Variants in GUCD1 observed in about 807,000 individuals in gnomAD.
The protein encoded by GUCD1 is protein GUCD1.
GUCD1 carries 17 observed loss-of-function variants against 28.3 expected under a neutral mutation model. That is an observed-to-expected ratio of 0.60 (90% CI 0.41 to 0.90). The LOEUF is 0.90. Ranked by LOEUF, GUCD1 falls within the 40% of genes least tolerant of loss-of-function variation. GUCD1 has a pLI of 0.00. For synonymous variants in GUCD1, 129 were observed against 123.3 expected, an observed-to-expected ratio of 1.05 and a Z score of -0.30; for missense variants, 279 against 305.5, an observed-to-expected ratio of 0.91 and a Z score of 0.65.
intron 4 of GUCD1, among the ~76,000 whole-genome samples, chr22:24,546,087 G>C (rs887799778): frequency 6.6e-6 from 1 of 151,870 alleles, no homozygotes; most frequent in African/African-American, 2.4e-5. Flanking sequence ...TCAGCCTCCC[G>C]AGTAGCTGGG....
upstream of GUCD1, chr22:24,555,559 T>A (rs2045037695): frequency 6.5e-7 from 1 of 1,534,936 alleles, no homozygotes; most frequent in Non-Finnish European, 8.8e-7. Flanking sequence ...GCCGCTCTAC[T>A]CTATACCTAA....
At chr22:24,552,204 A>G (rs4820595) in intron 1 of GUCD1, among the ~76,000 whole-genome samples, 111,192 of 152,090 alleles carry the variant, frequency 0.73, 42,410 homozygotes, top group East Asian at 0.85. Flanking sequence ...GCACAGTGGC[A>G]CACACCTGTA....
Position 24,543,958 on chromosome 22 carries a change from G to C in GUCD1, c.512C>G (p.Pro171Arg), listed in dbSNP as rs372711905. Residue 171 changes from proline (P) to arginine (R), a missense_variant, in exon 5 of 6, where the codon CCC becomes CGC. Pro to Arg is a moderately radical substitution (Grantham distance 103). Coordinates refer to ENST00000435822, the MANE Select transcript of GUCD1 (RefSeq NM_001284254.2). ...SSPVKYCCFTPSGHHCFCRTP... is the reference protein window; with the variant it reads ...SSPVKYCCFTRSGHHCFCRTP... ...GCGGCAGAAGCAGTGGTGGCCACTG[G>C]GGGTGAAGCAGCAGTACTTGACAGG... 112 of 1,613,934 alleles carry C rather than the reference G, an allele frequency of 6.9e-5. No individual in the cohort carries two copies. The highest frequency in any genetic ancestry group is 9.3e-5 in the Non-Finnish European group (110 of 1,179,982).
At position 24,541,117 on chromosome 22, in the gene GUCD1, G is replaced by A. The variant is rs984684477; in HGVS notation, c.*1889C>T. Reference sequence around the variant, plus strand: ...ATGAGACCAGTCTAGAGCCAACACCGGTCTCTGAAACCCAGAAGGGCTGCC... The same window carrying A: ...ATGAGACCAGTCTAGAGCCAACACCAGTCTCTGAAACCCAGAAGGGCTGCC... On this transcript the variant is annotated 3_prime_UTR_variant, in exon 6 of 6. Transcript: ENST00000435822. 3.0e-5 allele frequency: 5 copies of A among 169,462 alleles called. No homozygotes were observed. The East Asian group carries it at 7.7e-4, about 26-fold the overall frequency. The allele number at this position is 169,462 out of a possible 1,614,324, so 10.5% of individuals were successfully genotyped here.
At position 24,554,964 on chromosome 22, in the gene GUCD1, G is replaced by A; in HGVS notation, c.28C>T (p.Pro10Ser). The A allele has an allele frequency of 6.4e-7, 1 of 1,566,006 alleles. No homozygotes were observed. The highest frequency in any genetic ancestry group is 2.6e-5 in the East Asian group (1 of 39,162). The change falls in exon 1 of 6, where the codon CCG becomes TCG. Residue 10 changes from proline (P) to serine (S), a missense_variant. Transcript: ENST00000435822. MRTEAEAAG[P>S]PLEPGDFVQL... ...AGGCACTGACCGGGCTCGAGCGGCG[G>A]CCCCGCTGCCTCCGCCTCCGTCCTC... is the stretch of plus-strand genomic sequence containing the variant.
chr22:24,555,414 C>G, upstream of GUCD1: 1 of 1,212,964 alleles, frequency 8.2e-7, no homozygotes, highest in East Asian at 2.6e-5. Flanking sequence ...AGGCTCGTCC[C>G]TTCGGCAAGC....
intron 4 of GUCD1, among the ~76,000 whole-genome samples, chr22:24,544,376 G>C (rs2044674236): frequency 6.6e-6 from 1 of 152,044 alleles, no homozygotes; most frequent in Non-Finnish European, 1.5e-5. Flanking sequence ...AGGGCCACTA[G>C]AGCAGCACAC....
Position 24,544,079 on chromosome 22 carries a change from C to A in GUCD1, c.391G>T (p.Val131Leu). The A allele has an allele frequency of 6.2e-7, 1 of 1,608,282 alleles. No individual in the cohort carries two copies. The highest frequency in any genetic ancestry group is 8.5e-7 in the Non-Finnish European group (1 of 1,175,410). ...ACKVLVEKCT[V>L]SVKDIQAHLA... Reference sequence around the variant, plus strand: ...TGCGCCTGGATGTCCTTCACACTCACTGTGCTGTGGGCGGGAGGGGGGTCA... The same window carrying A: ...TGCGCCTGGATGTCCTTCACACTCAATGTGCTGTGGGCGGGAGGGGGGTCA... The change falls in exon 5 of 6, where the codon GTG (valine) becomes TTG (leucine). Residue 131 changes from valine to leucine, a missense_variant. Physicochemically the swap from Val to Leu is conservative, Grantham distance 32 (BLOSUM62 1). Coordinates refer to ENST00000435822, the MANE Select transcript of GUCD1 (RefSeq NM_001284254.2).
rs1352640345 is a variant in GUCD1, at chr22:24,555,013, C to T, written c.-22G>A. ...TCATGACCCGGGCGGCGCGGGGCGC[C>T]CATGGCCCCGGCCCAGAGCGGGCTA... On this transcript the variant is annotated 5_prime_UTR_variant, in exon 1 of 6. Transcript: ENST00000435822. The T allele has an allele frequency of 6.7e-7, 1 of 1,492,074 alleles. No homozygotes were observed. The allele number at this position is 1,492,074 out of a possible 1,614,324, so 92.4% of individuals were successfully genotyped here. A position where few individuals can be genotyped will look rare whatever the true frequency, so the allele number is the denominator to read the frequency against.
At chr22:24,545,477 C>G (rs548241934) in intron 4 of GUCD1, among the ~76,000 whole-genome samples, 1 of 152,226 alleles carries the variant, frequency 6.6e-6, no homozygotes, top group South Asian at 2.1e-4. Context: ...CCCCGAGAAG[C>G]AGAGATAGCA....
chr22:24,547,291 T>C, intron 3 of GUCD1: 1 of 405,034 alleles, frequency 2.5e-6, no homozygotes, highest in Non-Finnish European at 4.6e-6. Flanking sequence ...CCCTTGGGCT[T>C]GTACACTCTG....
Position 24,542,727 on chromosome 22 carries a change from C to T in GUCD1, c.*279G>A. ...AAAGGCAACAAGGGCACTGTCGGGA[C>T]TGGACTTCCTGTGGGCGCAGCTGGA... is the stretch of plus-strand genomic sequence containing the variant. On this transcript the variant is annotated 3_prime_UTR_variant, in exon 6 of 6. Coordinates refer to ENST00000435822, the MANE Select transcript of GUCD1 (RefSeq NM_001284254.2). The T allele has an allele frequency of 2.4e-6, 1 of 419,788 alleles. No homozygotes were observed. Among genetic ancestry groups the T allele is most frequent in the Non-Finnish European group, 4.5e-6 (1 of 223,620 alleles). 26.0% of individuals were successfully genotyped at this position (419,788 alleles called of 1,614,324 possible).
intron 3 of GUCD1, chr22:24,547,279 C>T (rs924788142): frequency 2.5e-5 from 11 of 444,432 alleles, no homozygotes; most frequent in Admixed American, 3.5e-5. Context: ...GAGGATCGAT[C>T]ACCCTTGGGC....
intron 5 of GUCD1, 24 bp downstream of exon 5, chr22:24,543,818 T>G: frequency 6.2e-7 from 1 of 1,610,832 alleles, no homozygotes. Flanking sequence ...CCACTCTGCC[T>G]CACCCACCCC....
Position 24,540,897 on chromosome 22 carries a change from C to T in GUCD1, c.*2109G>A. The T allele has an allele frequency of 6.0e-6, 1 of 168,056 alleles. No individual in the cohort carries two copies. 10.4% of individuals were successfully genotyped at this position (168,056 alleles called of 1,614,324 possible). A position where few individuals can be genotyped will look rare whatever the true frequency, so the allele number is the denominator to read the frequency against. ...CTGTTACCACCCTCCATGAAGGCCACTCCCTAGTGACAGCCCTAACAGCAT... is the reference window on the plus strand; with the variant it reads ...CTGTTACCACCCTCCATGAAGGCCATTCCCTAGTGACAGCCCTAACAGCAT... On this transcript the variant is annotated 3_prime_UTR_variant, in exon 6 of 6. Coordinates refer to ENST00000435822, the MANE Select transcript of GUCD1 (RefSeq NM_001284254.2).
At chr22:24,555,410 G>A, upstream of GUCD1, 1 of 1,210,220 alleles carries the variant, frequency 8.3e-7, no homozygotes, top group Non-Finnish European at 1.1e-6. Flanking sequence ...ATAGAGGCTC[G>A]TCCCTTCGGC....
In GUCD1 at chr22:24,542,956, G is replaced by T; in HGVS notation, c.*50C>A. On this transcript the variant is annotated 3_prime_UTR_variant, in exon 6 of 6. Transcript: ENST00000435822. ...GGCCAGGGCATCCTGAGCGGGCCCG[G>T]CTGGGGTGGGGATGGGGTCCGAGGG... The T allele has an allele frequency of 7.2e-7, 1 of 1,386,288 alleles. No individual in the cohort carries two copies. Among genetic ancestry groups the T allele is most frequent in the Non-Finnish European group, 1.0e-6 (1 of 973,532 alleles). 85.9% of individuals were successfully genotyped at this position (1,386,288 alleles called of 1,614,324 possible).
intron 4 of GUCD1, among the ~76,000 whole-genome samples, chr22:24,544,398 T>G (rs1311172739): frequency 6.6e-6 from 1 of 152,134 alleles, no homozygotes; most frequent in Non-Finnish European, 1.5e-5. Context: ...GAAACCATCC[T>G]CCTACTGCAC....
chr22:24,547,300 T>C, intron 3 of GUCD1: 1 of 368,924 alleles, frequency 2.7e-6, no homozygotes, highest in Non-Finnish European at 5.1e-6. Flanking sequence ...TTGTACACTC[T>C]GGCAGGCATG....
Sources: gnomAD v4.1 joint callset for allele counts (sites outside exome capture counted in the v4.1 genomes callset) on GRCh38, gnomAD v4.1.1 for gene constraint, MANE v1.5 for transcripts, NCBI Gene and HGNC (gene_info 2026-07-23, HGNC 2026-07-21) for gene names.